The following DLGAP2 variants were observed in gnomAD, a reference collection of about 807,000 sequenced individuals.
DLGAP2 encodes the protein DLG associated protein 2.
DLGAP2 carries 26 observed loss-of-function variants against 100.3 expected under a neutral mutation model. The ratio of observed to expected loss-of-function variants is 0.26; its 90% CI spans 0.19 to 0.36. The LOEUF is 0.36. Among genes scored for constraint, DLGAP2 ranks in the 10% least tolerant of loss-of-function variants. The pLI is 1.00. For synonymous variants in DLGAP2, 886 were observed against 630.1 expected, an observed-to-expected ratio of 1.41 and a Z score of -6.08; for missense variants, 1,858 against 1,453.2, an observed-to-expected ratio of 1.28 and a Z score of -4.53.
rs192903003 is a variant in DLGAP2 at position 1,098,995 on chromosome 8, T to C, written c.74-159856T>C. Among the ~76,000 whole-genome samples the C allele has an allele frequency of 1.6e-3, 251 of 152,302 alleles. 1 individual carries two copies. Among genetic ancestry groups the C allele is most frequent in the African/African-American group, 5.8e-3 (240 of 41,572 alleles). ...GTGTGCATTCCAACAGTCTGTTCGT[T>C]TGGAAAAGGGTACATTTCATGGCTC... On this transcript the variant is annotated intron_variant, in intron 2 of 14. Coordinates refer to ENST00000637795, the MANE Select transcript of DLGAP2 (RefSeq NM_001346810.2).
chr8:1,410,843 T>G (rs1278271883), intron 3 of DLGAP2, among the ~76,000 whole-genome samples: 3 of 152,106 alleles, frequency 2.0e-5, no homozygotes, highest in Non-Finnish European at 4.4e-5. Context: ...TTTTTTTTTT[T>G]TTTTTTTTAA....
intron 1 of DLGAP2, among the ~76,000 whole-genome samples, chr8:765,604 A>G (rs1821189860): frequency 6.6e-6 from 1 of 152,204 alleles, no homozygotes. Context: ...TGGTCCTGAA[A>G]CAACAGTGAC....
intron 3 of DLGAP2, chr8:1,368,828 C>G (rs1802170464): frequency 6.6e-6 from 1 of 152,228 alleles, no homozygotes; most frequent in Admixed American, 6.5e-5. Context: ...TAAACTTTTA[C>G]TTAGCCTGGA....
chr8:1,226,180 T>C (rs1466122747), intron 2 of DLGAP2, among the ~76,000 whole-genome samples: 1 of 152,188 alleles, frequency 6.6e-6, no homozygotes, highest in Admixed American at 6.5e-5. Context: ...TGCGCACGTA[T>C]GTTCAGTGAA....
intron 6 of DLGAP2, among the ~76,000 whole-genome samples, chr8:1,599,609 A>T (rs1584975486): frequency 6.6e-6 from 1 of 152,070 alleles, no homozygotes; most frequent in Non-Finnish European, 1.5e-5. Context: ...TGTTGCGTTG[A>T]TCCCTTTACG....
chr8:1,579,784 A>G (rs1475236218), intron 6 of DLGAP2, among the ~76,000 whole-genome samples: 2 of 152,212 alleles, frequency 1.3e-5, no homozygotes, highest in Non-Finnish European at 2.9e-5. Flanking sequence ...ATTGTGTTAC[A>G]TATCGTTGCG....
chr8:1,627,384 TC>T (rs1259157137), intron 7 of DLGAP2, among the ~76,000 whole-genome samples: 1 of 151,786 alleles, frequency 6.6e-6, no homozygotes, highest in Non-Finnish European at 1.5e-5. Flanking sequence ...AGGAGAAGGG[TC>T]CCTGGGCACC....
chr8:737,907 C>A (rs1820360423), intron 1 of DLGAP2, 82 bp downstream of exon 1: 2 of 364,400 alleles, frequency 5.5e-6, no homozygotes, highest in Non-Finnish European at 9.8e-6. Flanking sequence ...TGTGTCGGAC[C>A]CGCGGGGACG....
chr8:1,301,461 G>A, intron 3 of DLGAP2: 1 of 151,364 alleles, frequency 6.6e-6, no homozygotes, highest in South Asian at 2.1e-4. Context: ...TTTTCTTAAT[G>A]AAGTTTTTTT....
At chr8:1,038,147 C>G (rs1802189855) in intron 2 of DLGAP2, among the ~76,000 whole-genome samples, 1 of 152,198 alleles carries the variant, frequency 6.6e-6, no homozygotes, top group Non-Finnish European at 1.5e-5. Flanking sequence ...GGAGTCGCTA[C>G]CTGTGTGTTT....
At chr8:1,490,536 G>A (rs80175671) in intron 3 of DLGAP2, among the ~76,000 whole-genome samples, 2,818 of 152,354 alleles carry the variant, frequency 0.018, 81 homozygotes, top group African/African-American at 0.065. Context: ...CTGTGTTCGT[G>A]TGGAAAGACA....
intron 2 of DLGAP2, among the ~76,000 whole-genome samples, chr8:1,143,428 C>T (rs770095055): frequency 6.6e-6 from 1 of 152,130 alleles, no homozygotes; most frequent in Admixed American, 6.5e-5. Context: ...GTTTTTGGTT[C>T]CACGGTTTCT....
Position 1,565,852 on chromosome 8 carries a change from T to C in DLGAP2, c.1400T>C (p.Leu467Pro), listed in dbSNP as rs1306435325. 1.2e-6 allele frequency: 2 copies of C among 1,612,500 alleles called. No homozygotes were observed. The highest frequency in any genetic ancestry group is 3.3e-5 in the Admixed American group (2 of 59,836). The change falls in exon 6 of 15, where the codon CTG becomes CCG. Residue 467 changes from leucine (L) to proline (P), a missense_variant. Leu to Pro is a moderately conservative substitution (Grantham distance 98). Coordinates refer to ENST00000637795, the MANE Select transcript of DLGAP2 (RefSeq NM_001346810.2). Reference protein sequence around the residue: ...SPKSAILPEPLLKSIGQRPLG... With the variant: ...SPKSAILPEPPLKSIGQRPLG... ...AAGTCGGCAATCCTACCAGAGCCGC[T>C]GCTGAAGTCCATCGGACAGAGACCG...
chr8:740,801 G>C (rs1475165258), intron 1 of DLGAP2, among the ~76,000 whole-genome samples: 1 of 152,160 alleles, frequency 6.6e-6, no homozygotes, highest in Non-Finnish European at 1.5e-5. Context: ...CCAAGGAGTT[G>C]AATGATGTAT....
intron 3 of DLGAP2, among the ~76,000 whole-genome samples, chr8:1,422,999 G>C (rs1197691629): frequency 1.3e-5 from 2 of 152,140 alleles, no homozygotes; most frequent in Non-Finnish European, 2.9e-5. Context: ...TGTGACTGTG[G>C]CTACATCTTG....
rs865896279 is a variant in DLGAP2, at chr8:853,428, G to A, written c.19-54484G>A. ...TCTGCTCAGATAGACAGCCCTGCCAGCAGGAGAGCAGGTGTGTGGTATAAA... is the reference window on the plus strand; with the variant it reads ...TCTGCTCAGATAGACAGCCCTGCCAACAGGAGAGCAGGTGTGTGGTATAAA... On this transcript the variant is annotated intron_variant, in intron 1 of 14. Transcript: ENST00000637795. 3.9e-5 allele frequency among the ~76,000 whole-genome samples: 6 copies of A among 152,352 alleles called. 1 individual carries two copies. In the Middle Eastern group the frequency reaches 0.02, roughly 518 times the overall value.
At chr8:1,200,827 G>T (rs879599159) in intron 2 of DLGAP2, among the ~76,000 whole-genome samples, 13 of 152,212 alleles carry the variant, frequency 8.5e-5, no homozygotes, top group Admixed American at 8.5e-4. Flanking sequence ...GGCAGCTTTC[G>T]CTTTGTTTTC....
At chr8:1,202,389 C>T (rs1441157760) in intron 2 of DLGAP2, among the ~76,000 whole-genome samples, 1 of 151,872 alleles carries the variant, frequency 6.6e-6, no homozygotes, top group Non-Finnish European at 1.5e-5. Flanking sequence ...CAGTGGACGT[C>T]CATGCTGTTG....
chr8:1,207,284 G>C (rs1258915781), intron 2 of DLGAP2, among the ~76,000 whole-genome samples: 4 of 152,116 alleles, frequency 2.6e-5, no homozygotes, highest in Non-Finnish European at 4.4e-5. Flanking sequence ...TTACGCCGTT[G>C]CATCCACATA....
Sources: allele counts gnomAD v4.1 joint callset (sites outside exome capture counted in the v4.1 genomes callset), GRCh38; gene constraint gnomAD v4.1.1; transcripts MANE v1.5; gene names NCBI Gene and HGNC (gene_info 2026-07-23, HGNC 2026-07-21).